The following LARGE1 variants were observed in gnomAD, a reference collection of about 807,000 sequenced individuals.
LARGE1 encodes the protein LARGE xylosyl- and glucuronyltransferase 1, also known as xylosyl- and glucuronyltransferase LARGE1.
Under a neutral mutation model 87.6 loss-of-function variants are expected in LARGE1, and 43 were observed. That is an observed-to-expected ratio of 0.49 (90% confidence interval 0.38 to 0.63). LARGE1 has a LOEUF of 0.63. Among genes scored for constraint, LARGE1 ranks in the 30% least tolerant of loss-of-function variants. The pLI is 0.00. For synonymous variants in LARGE1, 434 were observed against 394.6 expected, an observed-to-expected ratio of 1.10 and a Z score of -1.18; for missense variants, 802 against 1,000.2, an observed-to-expected ratio of 0.80 and a Z score of 2.67.
intron 11 of LARGE1, among the ~76,000 whole-genome samples, chr22:33,227,238 C>T (rs747715071): frequency 2.4e-4 from 37 of 152,160 alleles, no homozygotes; most frequent in Non-Finnish European, 4.4e-4. Flanking sequence ...CAGCTAGTGG[C>T]AGATTAAGGT....
chr22:33,424,902 G>A (rs2066822212), intron 7 of LARGE1, among the ~76,000 whole-genome samples: 1 of 152,096 alleles, frequency 6.6e-6, no homozygotes, highest in African/African-American at 2.4e-5. Context: ...ATTAGAAGGT[G>A]GGGCCTTTGG....
intron 1 of LARGE1, among the ~76,000 whole-genome samples, chr22:33,777,729 C>T (rs1323060813): frequency 6.6e-6 from 1 of 150,512 alleles, no homozygotes; most frequent in Non-Finnish European, 1.5e-5. Context: ...GAAGGGAAGG[C>T]AGGTGAAGGG....
intron 1 of LARGE1, among the ~76,000 whole-genome samples, chr22:33,805,053 C>A (rs2086267222): frequency 6.6e-6 from 1 of 152,156 alleles, no homozygotes; most frequent in Admixed American, 6.5e-5. Flanking sequence ...TGCAATCTTC[C>A]CAGTTAGAAT....
At chr22:33,082,293 C>G in the LARGE1 span, among the ~76,000 whole-genome samples, 1 of 152,216 alleles carries the variant, frequency 6.6e-6, no homozygotes, top group Non-Finnish European at 1.5e-5. Flanking sequence ...TCTACATGTT[C>G]TTCCTCTGTG....
At chr22:33,765,224 A>C (rs1448271710) in intron 1 of LARGE1, among the ~76,000 whole-genome samples, 1 of 152,200 alleles carries the variant, frequency 6.6e-6, no homozygotes, top group Admixed American at 6.5e-5. Flanking sequence ...TAAGAGGCAA[A>C]AACACCTCAG....
At chr22:33,817,005 T>C (rs542434080) in intron 1 of LARGE1, among the ~76,000 whole-genome samples, 1 of 152,032 alleles carries the variant, frequency 6.6e-6, no homozygotes, top group African/African-American at 2.4e-5. Flanking sequence ...GGTGGAGGGG[T>C]GCATGTATAT....
chr22:33,107,992 T>C, the LARGE1 span, among the ~76,000 whole-genome samples: 215 of 152,254 alleles, frequency 1.4e-3, no homozygotes, highest in African/African-American at 4.9e-3. Context: ...ATCATGCATA[T>C]AGAAAATGAA....
intron 10 of LARGE1, among the ~76,000 whole-genome samples, chr22:33,318,104 C>T (rs1040929748): frequency 4.6e-5 from 7 of 151,840 alleles, no homozygotes; most frequent in African/African-American, 1.5e-4. Context: ...GACATGGTGG[C>T]GGGCATCTCT....
At chr22:33,401,431 T>C (rs2065922735) in intron 7 of LARGE1, among the ~76,000 whole-genome samples, 2 of 152,098 alleles carry the variant, frequency 1.3e-5, no homozygotes, top group South Asian at 2.1e-4. Context: ...CTGTGAAGCA[T>C]CTAGCCAGAT....
chr22:33,794,684 G>C (rs1227248138), intron 1 of LARGE1, among the ~76,000 whole-genome samples: 3 of 119,602 alleles, frequency 2.5e-5, no homozygotes, highest in Non-Finnish European at 3.4e-5. Context: ...ACAGTGGCAC[G>C]ATCTCGGCTC....
intron 2 of LARGE1, among the ~76,000 whole-genome samples, chr22:33,715,563 G>A (rs1216411515): frequency 1.3e-5 from 2 of 152,128 alleles, no homozygotes; most frequent in African/African-American, 4.8e-5. Flanking sequence ...CTACAGCAGT[G>A]GCTCCTAAAC....
chr22:33,089,616 G>A, the LARGE1 span, among the ~76,000 whole-genome samples: 1 of 151,766 alleles, frequency 6.6e-6, no homozygotes, highest in African/African-American at 2.4e-5. Context: ...TGCCACCTCA[G>A]CCTCCTGAGC....
intron 1 of LARGE1, chr22:33,861,607 T>A (rs1324069731): frequency 6.6e-6 from 1 of 152,198 alleles, no homozygotes; most frequent in African/African-American, 2.4e-5. Flanking sequence ...GCCATGAGGA[T>A]CCTTGACTGT....
chr22:33,844,194 CG>C lies in LARGE1; in HGVS notation c.-83+75800del, dbSNP rs1176300220. Among the ~76,000 whole-genome samples, 5 of 152,190 alleles carry C rather than the reference CG, an allele frequency of 3.3e-5. No individual in the cohort carries two copies. In the East Asian group the frequency reaches 9.6e-4, roughly 29 times the overall value. On this transcript the variant is annotated intron_variant, in intron 1 of 14. Transcript: ENST00000397394. ...TGAAAGACAGGATACCTCTTGAGAC[CG>C]TCCAAGGTTTCTTGGTTTTATTGAG...
At chr22:33,683,827 A>G (rs79336623) in intron 2 of LARGE1, among the ~76,000 whole-genome samples, 14,613 of 152,222 alleles carry the variant, frequency 0.096, 891 homozygotes, top group Non-Finnish European at 0.14. Flanking sequence ...CCAAGAAAAC[A>G]GAGTATACTC....
intron 1 of LARGE1, among the ~76,000 whole-genome samples, chr22:33,848,649 C>A (rs2063499815): frequency 6.6e-6 from 1 of 152,208 alleles, no homozygotes; most frequent in South Asian, 2.1e-4. Flanking sequence ...GGCCCAAAAA[C>A]TCCAGTGGTT....
intron 6 of LARGE1, among the ~76,000 whole-genome samples, chr22:33,446,866 G>A (rs1405017162): frequency 6.6e-6 from 1 of 152,152 alleles, no homozygotes; most frequent in Non-Finnish European, 1.5e-5. Context: ...GTTGAGACTA[G>A]GTGCTGATGT....
At chr22:33,888,513 G>A (rs16993242) in intron 1 of LARGE1, among the ~76,000 whole-genome samples, 9,519 of 152,130 alleles carry the variant, frequency 0.063, 879 homozygotes, top group African/African-American at 0.2. Flanking sequence ...CGGGGGAGGT[G>A]GGTAACATTT....
chr22:33,406,577 A>G (rs192591824), intron 7 of LARGE1, among the ~76,000 whole-genome samples: 1 of 152,156 alleles, frequency 6.6e-6, no homozygotes, highest in Admixed American at 6.5e-5. Context: ...AGCACACTTT[A>G]GATCTCATTC....
Sources: allele counts gnomAD v4.1 joint callset (sites outside exome capture counted in the v4.1 genomes callset), GRCh38; gene constraint gnomAD v4.1.1; transcripts MANE v1.5; gene names NCBI Gene and HGNC (gene_info 2026-07-23, HGNC 2026-07-21).